Variants in GLIS2 observed in about 807,000 individuals in gnomAD.
The protein encoded by GLIS2 is GLIS family zinc finger 2, also known as zinc finger protein GLIS2.
Under a neutral mutation model 35.6 loss-of-function variants are expected in GLIS2, and 14 were observed. That is an observed-to-expected ratio of 0.39 (90% CI 0.26 to 0.61). GLIS2 has a LOEUF of 0.61. GLIS2 is among the 20% of genes least tolerant of loss of function. The probability of loss-of-function intolerance (pLI) is 0.48; values close to 1 mark genes in which losing one functional copy is unlikely to be tolerated. For synonymous variants in GLIS2, 368 were observed against 325.1 expected, an observed-to-expected ratio of 1.13 and a Z score of -1.42; for missense variants, 675 against 713.4, an observed-to-expected ratio of 0.95 and a Z score of 0.61.
rs766680252 is a variant in GLIS2 at position 4,332,284 on chromosome 16, C to T, written c.4C>T (p.His2Tyr). Reference protein sequence around the residue: MHSLDEPLDLKL... With the variant: MYSLDEPLDLKL... Reference sequence around the variant, plus strand: ...CTCCAACTCCGGCCCCCTCACCATGCACTCCCTGGACGAGCCGCTCGACCT... The same window carrying T: ...CTCCAACTCCGGCCCCCTCACCATGTACTCCCTGGACGAGCCGCTCGACCT... The change falls in exon 2 of 7, where the codon CAC becomes TAC. Residue 2 changes from histidine to tyrosine, a missense_variant. His to Tyr is a moderately conservative substitution (Grantham distance 83). Transcript: ENST00000433375. This position sits in a 1 kb window ranked among gnomAD's most constrained non-coding sequence, Gnocchi z 5.4. 2.5e-6 allele frequency: 4 copies of T among 1,612,186 alleles called. No homozygotes were observed. In the Admixed American group the frequency reaches 5.0e-5, roughly 20 times the overall value.
In GLIS2 at chr16:4,338,785, T is replaced by A. The variant is rs1005543415; in HGVS notation, c.*1261T>A. 33 of 152,164 alleles carry A rather than the reference T, an allele frequency of 2.2e-4. No individual in the cohort carries two copies. Among genetic ancestry groups the A allele is most frequent in the African/African-American group, 7.5e-4 (31 of 41,394 alleles). The allele number at this position is 152,164 out of a possible 1,614,324, so 9.4% of individuals were successfully genotyped here. On this transcript the variant is annotated 3_prime_UTR_variant, in exon 7 of 7. Transcript: ENST00000433375. ...GGCAGGGGCCAGAACCACTTAAGGGTGGTGCTGGAGGGCCTTGTGCCCCAG... is the reference window on the plus strand; with the variant it reads ...GGCAGGGGCCAGAACCACTTAAGGGAGGTGCTGGAGGGCCTTGTGCCCCAG...
intron 1 of GLIS2, among the ~76,000 whole-genome samples, chr16:4,318,898 G>A (rs895684079): frequency 2.6e-5 from 4 of 152,252 alleles, no homozygotes; most frequent in Non-Finnish European, 4.4e-5. Flanking sequence ...GGCCAGTGCC[G>A]GCCAGGGTTT....
chr16:4,331,245 G>A (rs1257398657), intron 1 of GLIS2, among the ~76,000 whole-genome samples: 2 of 152,098 alleles, frequency 1.3e-5, no homozygotes, highest in Non-Finnish European at 2.9e-5. Context: ...CTCCCAAAGT[G>A]CTGGGATTAC....
At chr16:4,336,683 G>T in intron 6 of GLIS2, 42 bp from the exon 7 acceptor site, 1 of 1,550,188 alleles carries the variant, frequency 6.5e-7, no homozygotes, top group East Asian at 2.4e-5. Context: ...CCAGGAAGGG[G>T]AGAGACCCCT....
Position 4,337,107 on chromosome 16 carries a change from T to C in GLIS2, c.1158T>C (p.Cys386=). ...CCCTTGACCTCAGTGCCCTGGCCTG[T>C]GGCAACGGTGGGGGCAGTGGGGGTG... ...PGPLDLSALA[C]GNGGGSGGGG... Residue 386 remains cysteine (C), a synonymous_variant, in exon 7 of 7, where the codon TGT becomes TGC. Coordinates refer to ENST00000433375, the MANE Select transcript of GLIS2 (RefSeq NM_032575.3). 1 of 1,535,944 alleles carries C rather than the reference T, an allele frequency of 6.5e-7. No homozygotes were observed. Among genetic ancestry groups the C allele is most frequent in the Non-Finnish European group, 8.7e-7 (1 of 1,146,348 alleles).
Position 4,335,220 on chromosome 16 carries a change from G to A in GLIS2, c.656+27G>A, listed in dbSNP as rs150608208. 6 of 1,613,580 alleles carry A rather than the reference G, an allele frequency of 3.7e-6. No homozygotes were observed. The highest frequency in any genetic ancestry group is 5.1e-6 in the Non-Finnish European group (6 of 1,180,022). The stretch of plus-strand genomic sequence containing the variant: ...TGAGGTGGGGGAGAGAGGGGTAGAG[G>A]GAGGACTGGGGTCTCCAGTGAGCTG... On this transcript the variant is annotated intron_variant, in intron 5 of 6. Coordinates refer to ENST00000433375, the MANE Select transcript of GLIS2 (RefSeq NM_032575.3). This position sits in a 1 kb window ranked among gnomAD's most constrained non-coding sequence, Gnocchi z 4.6.
At chr16:4,319,440 C>T (rs2053351457) in intron 1 of GLIS2, among the ~76,000 whole-genome samples, 1 of 152,174 alleles carries the variant, frequency 6.6e-6, no homozygotes, top group Non-Finnish European at 1.5e-5. Context: ...TTCCCAGGGG[C>T]TATGAAAGGG....
chr16:4,315,702 A>C (rs2053301360), upstream of GLIS2, among the ~76,000 whole-genome samples: 3 of 144,912 alleles, frequency 2.1e-5, no homozygotes. Flanking sequence ...GCCGAGGAGG[A>C]CGCGCGCGGC....
At chr16:4,333,051 C>G (rs566943316) in intron 2 of GLIS2, among the ~76,000 whole-genome samples, 1 of 152,286 alleles carries the variant, frequency 6.6e-6, no homozygotes, top group African/African-American at 2.4e-5. Flanking sequence ...CCCAGGGGCC[C>G]TGGGTTCGAG....
In GLIS2 at chr16:4,320,317, C is replaced by G. The variant is rs895076667; in HGVS notation, c.-67+4063C>G. ...CCCCCGGCCGGGAGCCTCCGGAAAA[C>G]AGTCCTGCCCGTCACATGGAGGGTC... On this transcript the variant is annotated intron_variant, in intron 1 of 6. Transcript: ENST00000433375. This position sits in a 1 kb window ranked among gnomAD's most constrained non-coding sequence, Gnocchi z 5.6. 5.9e-5 allele frequency among the ~76,000 whole-genome samples: 9 copies of G among 152,158 alleles called. No individual in the cohort carries two copies. The highest frequency in any genetic ancestry group is 1.9e-4 in the African/African-American group (8 of 41,446).
intron 1 of GLIS2, among the ~76,000 whole-genome samples, chr16:4,318,283 C>T (rs983306870): frequency 1.3e-5 from 2 of 152,198 alleles, no homozygotes; most frequent in Admixed American, 6.5e-5. Flanking sequence ...CTCCTCCCCT[C>T]TCCCGGCCTT....
chr16:4,335,198 G>C lies in GLIS2; in HGVS notation c.656+5G>C, dbSNP rs2053537337. 1.2e-6 allele frequency: 2 copies of C among 1,613,442 alleles called. No homozygotes were observed. The highest frequency in any genetic ancestry group is 1.1e-5 in the South Asian group (1 of 91,094). ...TGGCCGAGGTTTCAACGCCAGGTGA[G>C]GTGGGGGAGAGAGGGGTAGAGGGAG... is the stretch of plus-strand genomic sequence containing the variant. On this transcript the variant is annotated splice_donor_5th_base_variant and intron_variant, in intron 5 of 6. Coordinates refer to ENST00000433375, the MANE Select transcript of GLIS2 (RefSeq NM_032575.3). This position sits in a 1 kb window ranked among gnomAD's most constrained non-coding sequence, Gnocchi z 4.6.
intron 1 of GLIS2, among the ~76,000 whole-genome samples, chr16:4,331,361 C>A (rs996663643): frequency 8.5e-5 from 13 of 152,142 alleles, no homozygotes; most frequent in Non-Finnish European, 1.6e-4. Context: ...ACTAGCCAGA[C>A]CCATCCCTTT....
chr16:4,320,107 A>C lies in GLIS2; in HGVS notation c.-67+3853A>C, dbSNP rs1785533524. 6.6e-6 allele frequency among the ~76,000 whole-genome samples: 1 copy of C among 151,992 alleles called. No homozygotes were observed. Among genetic ancestry groups the C allele is most frequent in the Non-Finnish European group, 1.5e-5 (1 of 67,954 alleles). ...GTCTTCGGTGCTTGAGAGGCCAGGT[A>C]GTGCCCACCGCAGGGAGGGGCCGGC... On this transcript the variant is annotated intron_variant, in intron 1 of 6. Coordinates refer to ENST00000433375, the MANE Select transcript of GLIS2 (RefSeq NM_032575.3). The surrounding 1 kb of genome is among the most constrained non-coding windows in gnomAD (Gnocchi z 5.6).
Position 4,332,094 on chromosome 16 carries a change from C to G in GLIS2, c.-66-121C>G. The G allele has an allele frequency of 1.3e-6, 1 of 771,750 alleles. No individual in the cohort carries two copies. The highest frequency in any genetic ancestry group is 2.2e-6 in the Non-Finnish European group (1 of 459,110). 47.8% of individuals were successfully genotyped at this position (771,750 alleles called of 1,614,324 possible). ...GCCGGCCAGGTCGCTCGGAGGGTCT[C>G]CCTACCCAGGAGACAACCTCACACT... is the stretch of plus-strand genomic sequence containing the variant. On this transcript the variant is annotated intron_variant, in intron 1 of 6. Transcript: ENST00000433375. The surrounding 1 kb of genome is among the most constrained non-coding windows in gnomAD (Gnocchi z 5.4).
At chr16:4,314,846 G>A (rs907965267), upstream of GLIS2, 1 of 152,328 alleles carries the variant, frequency 6.6e-6, no homozygotes, top group African/African-American at 2.4e-5. Context: ...TGGGAAGAGG[G>A]GGTGTCCAAC....
In GLIS2 at chr16:4,335,131, G is replaced by A; in HGVS notation, c.594G>A (p.Lys198=). The A allele has an allele frequency of 6.2e-7, 1 of 1,613,390 alleles. No individual in the cohort carries two copies. The change falls in exon 5 of 7, where the codon AAG becomes AAA. Residue 198 remains lysine (K), a synonymous_variant. Transcript: ENST00000433375. This position sits in a 1 kb window ranked among gnomAD's most constrained non-coding sequence, Gnocchi z 4.6. ...ACGATTACCATGTCAAGCCCGAGAAGGATGCGGGGTACTGCTGCCACTGGG... is the reference window on the plus strand; with the variant it reads ...ACGATTACCATGTCAAGCCCGAGAAAGATGCGGGGTACTGCTGCCACTGGG... The part of the protein sequence containing the change: ...HVNDYHVKPE[K]DAGYCCHWEG...
rs1490521015 is a variant in GLIS2 at position 4,338,710 on chromosome 16, C to T, written c.*1186C>T. The T allele has an allele frequency of 2.0e-5, 3 of 153,424 alleles. No homozygotes were observed. The highest frequency in any genetic ancestry group is 2.9e-5 in the Non-Finnish European group (2 of 69,040). The allele number at this position is 153,424 out of a possible 1,614,324, so 9.5% of individuals were successfully genotyped here. On this transcript the variant is annotated 3_prime_UTR_variant, in exon 7 of 7. Transcript: ENST00000433375. ...GCTTTCTCAGAGGCACTTCCCCACC[C>T]CTAACACCCAGTGGGCCCCCCCAGG...
chr16:4,335,071 C>T lies in GLIS2; in HGVS notation c.534C>T (p.Leu178=), dbSNP rs201675939. ...CCCATCCTCCGCAGTGTAACCAGCT[C>T]TTTGAGCTCCTGCAAGACCTGGTGG... The part of the protein sequence containing the change: ...LVCRWAKCNQ[L]FELLQDLVDH... Residue 178 remains leucine (L), a synonymous_variant, in exon 5 of 7, where the codon CTC becomes CTT. Transcript: ENST00000433375. The surrounding 1 kb of genome is among the most constrained non-coding windows in gnomAD (Gnocchi z 4.6). 3 of 1,613,516 alleles carry T rather than the reference C, an allele frequency of 1.9e-6. No homozygotes were observed. In the African/African-American group the frequency reaches 4.0e-5, roughly 21 times the overall value.
Sources: allele counts gnomAD v4.1 joint callset (sites outside exome capture counted in the v4.1 genomes callset), GRCh38; gene constraint gnomAD v4.1.1; non-coding constraint Gnocchi (gnomAD v3.1); transcripts MANE v1.5; gene names NCBI Gene and HGNC (gene_info 2026-07-23, HGNC 2026-07-21).